The following EPHB2 variants were observed in gnomAD, a reference collection of about 807,000 sequenced individuals.
The protein encoded by EPHB2 is EPH receptor B2, also known as ephrin type-B receptor 2.
EPHB2 carries 18 observed loss-of-function variants against 96.4 expected under a neutral mutation model. That is an observed-to-expected ratio of 0.19 (90% CI 0.13 to 0.28). The LOEUF (loss-of-function observed/expected upper bound fraction) is 0.28. EPHB2 is among the 10% of genes least tolerant of loss of function. The pLI, the probability that EPHB2 is intolerant of heterozygous loss-of-function variation, is 1.00. For missense variants in EPHB2, 989 were observed against 1,355.4 expected (o/e 0.73, Z 4.25); for synonymous variants, 506 against 534.1 (o/e 0.95, Z 0.72).
At chr1:22,759,200 G>T (rs1220477324) in intron 1 of EPHB2, among the ~76,000 whole-genome samples, 2 of 152,054 alleles carry the variant, frequency 1.3e-5, no homozygotes, top group African/African-American at 4.8e-5. Context: ...TTGACTTGGA[G>T]GCCAGCATAG....
chr1:22,892,281 G>A (rs1570446618), intron 6 of EPHB2, among the ~76,000 whole-genome samples: 1 of 152,146 alleles, frequency 6.6e-6, no homozygotes, highest in African/African-American at 2.4e-5. Flanking sequence ...TCTCCCTTCG[G>A]TCTCCAAGAA....
chr1:22,902,684 G>C (rs7340102), intron 9 of EPHB2, among the ~76,000 whole-genome samples: 1 of 152,070 alleles, frequency 6.6e-6, no homozygotes, highest in South Asian at 2.1e-4. Context: ...ACACAGCCTC[G>C]GTCTTCCTGG....
chr1:22,863,227 C>T (rs2148524375), intron 4 of EPHB2, 35 bp downstream of exon 4: 1 of 1,613,732 alleles, frequency 6.2e-7, no homozygotes, highest in South Asian at 1.1e-5. Flanking sequence ...CGATGGCTGG[C>T]CGAGTCCCAG....
Position 22,913,427 on chromosome 1 carries a change from C to T in EPHB2, c.2853-35C>T. The T allele has an allele frequency of 6.2e-7, 1 of 1,612,444 alleles. No individual in the cohort carries two copies. The highest frequency in any genetic ancestry group is 8.5e-7 in the Non-Finnish European group (1 of 1,179,346). Reference sequence around the variant, plus strand: ...ACCAGGCACAGGACCCCTTCACCCGCATATTTCCCTAACACACGTGCTTCT... The same window carrying T: ...ACCAGGCACAGGACCCCTTCACCCGTATATTTCCCTAACACACGTGCTTCT... On this transcript the variant is annotated intron_variant, in intron 15 of 15. Coordinates refer to ENST00000374630, the MANE Select transcript of EPHB2 (RefSeq NM_017449.5). The surrounding 1 kb of genome is among the most constrained non-coding windows in gnomAD (Gnocchi z 4.1).
chr1:22,908,985 C>A, intron 12 of EPHB2, 37 bp from the exon 13 acceptor site: 1 of 1,613,698 alleles, frequency 6.2e-7, no homozygotes, highest in Non-Finnish European at 8.5e-7. Context: ...GACAGGCCAG[C>A]CTCCCACCCA....
rs1644963711 is a variant in EPHB2 at position 22,808,731 on chromosome 1, GTATT to G, written c.811+23656_811+23659del. Among the ~76,000 whole-genome samples the G allele has an allele frequency of 2.6e-5, 4 of 152,308 alleles. No homozygotes were observed. The South Asian group carries it at 8.3e-4, about 32-fold the overall frequency. ...TTCCCGTAACACCCTTATGACACGG[GTATT>G]AATCTTCATCTTCTCATTTTACAAC... On this transcript the variant is annotated intron_variant, in intron 3 of 15. Transcript: ENST00000374630.
rs955448577 is a variant in EPHB2 at position 22,860,908 on chromosome 1, C to T, written c.812-2129C>T. On this transcript the variant is annotated intron_variant, in intron 3 of 15. Coordinates refer to ENST00000374630, the MANE Select transcript of EPHB2 (RefSeq NM_017449.5). This position sits in a 1 kb window ranked among gnomAD's most constrained non-coding sequence, Gnocchi z 4.6. ...CTTCATCCAGCCATCAGGGAAAGGT[C>T]GGTGCCCAAGAGGAAGGCGAGAGGG... is the stretch of plus-strand genomic sequence containing the variant. 2.6e-5 allele frequency among the ~76,000 whole-genome samples: 4 copies of T among 152,126 alleles called. No homozygotes were observed. Among genetic ancestry groups the T allele is most frequent in the East Asian group, 3.9e-4 (2 of 5,148 alleles).
chr1:22,842,192 C>T (rs1476878967), intron 3 of EPHB2, among the ~76,000 whole-genome samples: 2 of 151,924 alleles, frequency 1.3e-5, no homozygotes, highest in Non-Finnish European at 2.9e-5. Flanking sequence ...GCCAGCCCCC[C>T]AGGCACCTGT....
At chr1:22,863,280 C>T (rs1387501519) in intron 4 of EPHB2, 88 bp downstream of exon 4, 45 of 1,590,118 alleles carry the variant, frequency 2.8e-5, no homozygotes, top group South Asian at 5.6e-5. Flanking sequence ...GGGTGCCGTC[C>T]GGTTACAGCC....
intron 1 of EPHB2, among the ~76,000 whole-genome samples, chr1:22,762,437 G>A (rs1644248314): frequency 1.3e-5 from 2 of 152,172 alleles, no homozygotes; most frequent in African/African-American, 4.8e-5. Flanking sequence ...AGGTTCCCAG[G>A]CCACCTTTTC....
At chr1:22,793,739 T>C (rs1644729686) in intron 3 of EPHB2, among the ~76,000 whole-genome samples, 2 of 152,166 alleles carry the variant, frequency 1.3e-5, no homozygotes, top group South Asian at 4.2e-4. Context: ...CTGTGGTATA[T>C]GCTATGCTTC....
In EPHB2 at chr1:22,913,315, T is replaced by G. The variant is rs1418573712; in HGVS notation, c.2853-147T>G. 1 of 1,008,874 alleles carries G rather than the reference T, an allele frequency of 9.9e-7. No individual in the cohort carries two copies. The highest frequency in any genetic ancestry group is 1.5e-6 in the Non-Finnish European group (1 of 664,494). The allele number at this position is 1,008,874 out of a possible 1,614,324, so 62.5% of individuals were successfully genotyped here. A position where few individuals can be genotyped will look rare whatever the true frequency, so the allele number is the denominator to read the frequency against. On this transcript the variant is annotated intron_variant, in intron 15 of 15. Coordinates refer to ENST00000374630, the MANE Select transcript of EPHB2 (RefSeq NM_017449.5). The surrounding 1 kb of genome is among the most constrained non-coding windows in gnomAD (Gnocchi z 4.1). Reference sequence around the variant, plus strand: ...TCACACCATAGTCGCTCCCTCCAGCTGTGGCTGCCTGCCCACTCCCCACTC... The same window carrying G: ...TCACACCATAGTCGCTCCCTCCAGCGGTGGCTGCCTGCCCACTCCCCACTC...
chr1:22,791,837 A>C (rs531444320), intron 3 of EPHB2, among the ~76,000 whole-genome samples: 1 of 152,002 alleles, frequency 6.6e-6, no homozygotes, highest in African/African-American at 2.4e-5. Context: ...ATTGCTGCTG[A>C]TATTTGCGTA....
At chr1:22,781,577 T>G in intron 2 of EPHB2, 92 bp downstream of exon 2, 2 of 1,309,938 alleles carry the variant, frequency 1.5e-6, no homozygotes, top group Non-Finnish European at 2.2e-6. Flanking sequence ...TCTAACCCCT[T>G]TCCCCCTCTT....
intron 1 of EPHB2, among the ~76,000 whole-genome samples, chr1:22,762,937 A>G (rs1644255172): frequency 6.6e-6 from 1 of 152,102 alleles, no homozygotes; most frequent in Non-Finnish European, 1.5e-5. Context: ...TCGTGGGTCC[A>G]GCTCTCTACA....
intron 6 of EPHB2, among the ~76,000 whole-genome samples, chr1:22,887,729 C>T (rs746843555): frequency 6.6e-6 from 1 of 152,232 alleles, no homozygotes; most frequent in Non-Finnish European, 1.5e-5. Flanking sequence ...ACTGGTCCCC[C>T]AAGAACTCAA....
rs145331715 is a variant in EPHB2, at chr1:22,830,383, C to G, written c.812-32654C>G. ...CATGCGCACCAGGGAAAGGGCCAGA[C>G]AGGCCTGTGCTTGAATCCCTGACTG... On this transcript the variant is annotated intron_variant, in intron 3 of 15. Transcript: ENST00000374630. Among the ~76,000 whole-genome samples, 763 of 152,310 alleles carry G rather than the reference C, an allele frequency of 5.0e-3. 6 individuals are homozygous for G. The highest frequency in any genetic ancestry group is 0.018 in the African/African-American group (734 of 41,554).
At chr1:22,849,889 C>T (rs1026503529) in intron 3 of EPHB2, among the ~76,000 whole-genome samples, 3 of 152,254 alleles carry the variant, frequency 2.0e-5, no homozygotes, top group African/African-American at 7.2e-5. Flanking sequence ...AGGTGCCCTC[C>T]TGCCCTGGGC....
At chr1:22,898,940 G>A (rs559236807) in intron 9 of EPHB2, among the ~76,000 whole-genome samples, 16 of 152,140 alleles carry the variant, frequency 1.1e-4, no homozygotes, top group East Asian at 1.9e-4. Flanking sequence ...GGCCAGGCAC[G>A]GTGGCTCACG....
Sources: gnomAD v4.1 joint callset for allele counts (sites outside exome capture counted in the v4.1 genomes callset) on GRCh38, gnomAD v4.1.1 for gene constraint, Gnocchi (gnomAD v3.1) non-coding constraint, MANE v1.5 for transcripts, NCBI Gene and HGNC (gene_info 2026-07-23, HGNC 2026-07-21) for gene names.